TRAF3: variants seen among roughly 807,000 people sequenced by gnomAD.
TRAF3 encodes the protein TNF receptor associated factor 3.
A neutral mutation model predicts 62.3 loss-of-function variants in TRAF3; 13 were observed. The ratio of observed to expected loss-of-function variants is 0.21; its 90% CI spans 0.14 to 0.33. TRAF3 has a LOEUF of 0.33. Ranked by LOEUF, TRAF3 falls within the 10% of genes least tolerant of loss-of-function variation. The pLI is 1.00. For synonymous variants in TRAF3, 269 were observed against 283.4 expected (o/e 0.95, Z 0.51); for missense variants, 440 against 741.8 (o/e 0.59, Z 4.73).
chr14:102,868,086 C>T (rs1282678252), intron 2 of TRAF3, among the ~76,000 whole-genome samples: 1 of 152,204 alleles, frequency 6.6e-6, no homozygotes, highest in Non-Finnish European at 1.5e-5. Flanking sequence ...CCAGGATGCC[C>T]AGGAGCTCAG....
intron 2 of TRAF3, among the ~76,000 whole-genome samples, chr14:102,838,301 G>C (rs1431307135): frequency 6.6e-6 from 1 of 152,246 alleles, no homozygotes; most frequent in Non-Finnish European, 1.5e-5. Flanking sequence ...TCTTCAGAAA[G>C]CTCACAGTCA....
At chr14:102,901,766 T>G (rs10132870) in intron 10 of TRAF3, among the ~76,000 whole-genome samples, 8,179 of 152,302 alleles carry the variant, frequency 0.054, 320 homozygotes, top group African/African-American at 0.11. Context: ...AGACCTGTCA[T>G]GTTTGTGTCT....
chr14:102,896,303 T>C (rs1214361154), intron 9 of TRAF3, among the ~76,000 whole-genome samples: 2 of 152,134 alleles, frequency 1.3e-5, no homozygotes, highest in Non-Finnish European at 2.9e-5. Context: ...TCCACAAGCC[T>C]ACCCCCACTA....
At position 102,777,513 on chromosome 14, in the gene TRAF3, G is replaced by T. The variant is rs1160433327; in HGVS notation, c.-319G>T. The T allele has an allele frequency of 6.9e-6, 1 of 144,704 alleles. No individual in the cohort carries two copies. The highest frequency in any genetic ancestry group is 6.8e-5 in the Admixed American group (1 of 14,688). The allele number at this position is 144,704 out of a possible 1,614,324, so 9.0% of individuals were successfully genotyped here. On this transcript the variant is annotated 5_prime_UTR_variant, in exon 1 of 12. Transcript: ENST00000392745. ...GCGCGGCCGCCGCGTGCGCGAGCCG[G>T]GGTTGCAGCCCAGCCGGGACTTTCC...
At chr14:102,786,064 C>T (rs1897486006) in intron 1 of TRAF3, among the ~76,000 whole-genome samples, 1 of 152,150 alleles carries the variant, frequency 6.6e-6, no homozygotes, top group Admixed American at 6.6e-5. Context: ...GCAGTCTGGT[C>T]TATGATGTAC....
At chr14:102,857,251 C>A (rs1887425773) in intron 2 of TRAF3, among the ~76,000 whole-genome samples, 1 of 152,054 alleles carries the variant, frequency 6.6e-6, no homozygotes, top group Non-Finnish European at 1.5e-5. Context: ...GCAGGGTTAG[C>A]CTAAGTTGCA....
chr14:102,794,507 G>A (rs796791628), intron 1 of TRAF3, among the ~76,000 whole-genome samples: 16 of 152,286 alleles, frequency 1.1e-4, no homozygotes, highest in African/African-American at 3.8e-4. Flanking sequence ...TCTTAAGCCT[G>A]GGCTTGGATA....
chr14:102,837,461 A>C (rs1412246006), intron 2 of TRAF3, among the ~76,000 whole-genome samples: 1 of 152,072 alleles, frequency 6.6e-6, no homozygotes, highest in Admixed American at 6.6e-5. Flanking sequence ...CAATAATTTA[A>C]ATGATGTGAT....
intron 1 of TRAF3, among the ~76,000 whole-genome samples, chr14:102,828,666 A>G (rs1254156171): frequency 6.6e-6 from 1 of 152,220 alleles, no homozygotes; most frequent in African/African-American, 2.4e-5. Context: ...CAAGGTAAAG[A>G]ATTATGATTG....
At position 102,815,691 on chromosome 14, in the gene TRAF3, A is replaced by T. The variant is rs563762679; in HGVS notation, c.-156-14643A>T. Among the ~76,000 whole-genome samples, 24 of 152,324 alleles carry T rather than the reference A, an allele frequency of 1.6e-4. No homozygotes were observed. The South Asian group carries it at 5.0e-3, about 32-fold the overall frequency. ...TATAAAGAAATTCCCCAGACTGGGT[A>T]GTTTTTAAAGGAAAGAGGTTTAATT... On this transcript the variant is annotated intron_variant, in intron 1 of 11. Transcript: ENST00000392745.
intron 1 of TRAF3, among the ~76,000 whole-genome samples, chr14:102,794,000 A>G (rs1897940241): frequency 6.6e-6 from 1 of 152,074 alleles, no homozygotes; most frequent in African/African-American, 2.4e-5. Context: ...GGCCGTACAC[A>G]CATGCTTGGA....
rs550275567 is a variant in TRAF3, at chr14:102,790,605, A to C, written c.-157+12930A>C. On this transcript the variant is annotated intron_variant, in intron 1 of 11. Coordinates refer to ENST00000392745, the MANE Select transcript of TRAF3 (RefSeq NM_145725.3). ...GGGAACTGTGCTTTATAAAACCATC[A>C]GATCTTGTGAGACTTACTATCATGA... Among the ~76,000 whole-genome samples the C allele has an allele frequency of 1.2e-4, 18 of 152,302 alleles. No homozygotes were observed. The East Asian group carries it at 3.3e-3, about 28-fold the overall frequency.
At chr14:102,802,889 C>G (rs1898530085) in intron 1 of TRAF3, among the ~76,000 whole-genome samples, 1 of 152,138 alleles carries the variant, frequency 6.6e-6, no homozygotes, top group Non-Finnish European at 1.5e-5. Flanking sequence ...GTTTAATTGA[C>G]TCACAGTTCA....
chr14:102,911,268 G>A lies in TRAF3; in HGVS notation c.*5484G>A, dbSNP rs1338096611. The A allele has an allele frequency of 6.6e-6, 1 of 152,206 alleles. No individual in the cohort carries two copies. Among genetic ancestry groups the A allele is most frequent in the Non-Finnish European group, 1.5e-5 (1 of 68,036 alleles). 9.4% of individuals were successfully genotyped at this position (152,206 alleles called of 1,614,324 possible). A position where few individuals can be genotyped will look rare whatever the true frequency, so the allele number is the denominator to read the frequency against. On this transcript the variant is annotated 3_prime_UTR_variant, in exon 12 of 12. Transcript: ENST00000392745. ...TGAGTTATTGCCCAGCAATAATCAT[G>A]TTGTTACTGTGAGTTAGCAACATGC... is the stretch of plus-strand genomic sequence containing the variant.
chr14:102,891,466 G>C, intron 9 of TRAF3, 49 bp downstream of exon 9: 1 of 1,558,460 alleles, frequency 6.4e-7, no homozygotes, highest in Non-Finnish European at 8.7e-7. Flanking sequence ...CATCTCTTCA[G>C]ATTATTTAAA....
At chr14:102,815,797 G>A (rs1595317727) in intron 1 of TRAF3, among the ~76,000 whole-genome samples, 1 of 152,134 alleles carries the variant, frequency 6.6e-6, no homozygotes, top group South Asian at 2.1e-4. Context: ...GTCTTACATG[G>A]CAGCAGGCAA....
At chr14:102,796,763 G>A (rs1446449512) in intron 1 of TRAF3, among the ~76,000 whole-genome samples, 1 of 152,208 alleles carries the variant, frequency 6.6e-6, no homozygotes, top group Non-Finnish European at 1.5e-5. Context: ...AAGACCTCTG[G>A]TCTGCATGGT....
intron 2 of TRAF3, among the ~76,000 whole-genome samples, chr14:102,845,571 A>G (rs1566771223): frequency 6.7e-6 from 1 of 149,024 alleles, no homozygotes; most frequent in Non-Finnish European, 1.5e-5. Flanking sequence ...GCTGGAGTGC[A>G]GTGGCGCCAT....
At chr14:102,809,418 C>T (rs564663471) in intron 1 of TRAF3, among the ~76,000 whole-genome samples, 51 of 152,298 alleles carry the variant, frequency 3.3e-4, no homozygotes, top group African/African-American at 1.2e-3. Flanking sequence ...GCGTGAGCCA[C>T]CGCGCCTGGC....
Sources: gnomAD v4.1 joint callset for allele counts (sites outside exome capture counted in the v4.1 genomes callset) on GRCh38, gnomAD v4.1.1 for gene constraint, MANE v1.5 for transcripts, NCBI Gene and HGNC (gene_info 2026-07-23, HGNC 2026-07-21) for gene names.